Variants in CDH8 observed in about 807,000 individuals in gnomAD.
CDH8 encodes the protein cadherin 8, also known as cadherin-8.
In CDH8, 17 loss-of-function variants were observed where a neutral mutation model predicts 68.1. The observed-to-expected ratio is 0.25, with a 90% CI of 0.17 to 0.37. The LOEUF (loss-of-function observed/expected upper bound fraction) is 0.37, where lower values mean the gene tolerates loss of function less well. Among genes scored for constraint, CDH8 ranks in the 10% least tolerant of loss-of-function variants. The pLI, the probability that CDH8 is intolerant of heterozygous loss-of-function variation, is 1.00. For synonymous variants in CDH8, 372 were observed against 365.1 expected, an observed-to-expected ratio of 1.02 and a Z score of -0.21; for missense variants, 763 against 999.3, an observed-to-expected ratio of 0.76 and a Z score of 3.19.
At chr16:61,782,320 G>C (rs937290766) in intron 8 of CDH8, among the ~76,000 whole-genome samples, 2 of 152,214 alleles carry the variant, frequency 1.3e-5, no homozygotes, top group African/African-American at 4.8e-5. Context: ...GTCAAAGAAA[G>C]GGGTGACGGA....
At chr16:61,693,448 A>G (rs1402247331) in intron 10 of CDH8, 2 of 152,136 alleles carry the variant, frequency 1.3e-5, no homozygotes, top group East Asian at 1.9e-4. Flanking sequence ...CTGACTCTGT[A>G]TAAGAAAAGT....
chr16:61,965,071 T>A (rs1021228156), intron 2 of CDH8, among the ~76,000 whole-genome samples: 1 of 152,132 alleles, frequency 6.6e-6, no homozygotes, highest in Non-Finnish European at 1.5e-5. Context: ...TTCTCCCACA[T>A]CTGTTCATCC....
chr16:61,782,445 C>T (rs1319028939), intron 8 of CDH8, among the ~76,000 whole-genome samples: 7 of 151,996 alleles, frequency 4.6e-5, no homozygotes, highest in African/African-American at 1.4e-4. Context: ...CCTACGCCCA[C>T]GGAGTCTCGC....
chr16:61,704,217 G>A (rs1045499136), intron 10 of CDH8, among the ~76,000 whole-genome samples: 3 of 152,048 alleles, frequency 2.0e-5, no homozygotes, highest in Non-Finnish European at 4.4e-5. Context: ...TTCTCATTTT[G>A]AAAGATCTCT....
chr16:62,029,798 T>C (rs528131660), intron 1 of CDH8, among the ~76,000 whole-genome samples: 8 of 152,318 alleles, frequency 5.3e-5, no homozygotes, highest in African/African-American at 1.9e-4. Flanking sequence ...GATAGCTATA[T>C]ACTACTTAGA....
intron 2 of CDH8, among the ~76,000 whole-genome samples, chr16:62,016,723 G>A (rs193039662): frequency 1.5e-3 from 228 of 152,302 alleles, no homozygotes; most frequent in African/African-American, 5.2e-3. Flanking sequence ...CTGGAGGCAG[G>A]AATAGAGTCT....
At chr16:61,943,964 G>A (rs1467824494) in intron 2 of CDH8, among the ~76,000 whole-genome samples, 1 of 152,186 alleles carries the variant, frequency 6.6e-6, no homozygotes, top group African/African-American at 2.4e-5. Flanking sequence ...AAACTCTCAA[G>A]TAGACAGAAG....
At chr16:61,913,599 T>C (rs911200020) in intron 2 of CDH8, among the ~76,000 whole-genome samples, 6 of 152,142 alleles carry the variant, frequency 3.9e-5, no homozygotes, top group Admixed American at 6.5e-5. Context: ...CACTGAAAAG[T>C]GTGTGGTGTG....
intron 5 of CDH8, among the ~76,000 whole-genome samples, chr16:61,822,516 A>G (rs1962240630): frequency 6.6e-6 from 1 of 151,776 alleles, no homozygotes; most frequent in South Asian, 2.1e-4. Context: ...TGGATAAACT[A>G]AGGCTCATTA....
intron 8 of CDH8, among the ~76,000 whole-genome samples, chr16:61,731,161 G>C (rs1158347336): frequency 6.6e-6 from 1 of 151,588 alleles, no homozygotes; most frequent in Non-Finnish European, 1.5e-5. Context: ...AAAGGAATGT[G>C]ACCTTCAAGC....
At chr16:61,917,283 C>T (rs1447875194) in intron 2 of CDH8, among the ~76,000 whole-genome samples, 2 of 152,036 alleles carry the variant, frequency 1.3e-5, no homozygotes, top group Non-Finnish European at 2.9e-5. Flanking sequence ...TGGCCTTGAA[C>T]CAATTCAGTT....
At position 61,648,901 on chromosome 16, in the gene CDH8, A is replaced by C. The variant is rs2142727145; in HGVS notation, c.*4707T>G. ...AGCAACAGTATACCATGTAATCCATAAATTTGTGTTGACTAAAACTACAAT... is the reference window on the plus strand; with the variant it reads ...AGCAACAGTATACCATGTAATCCATCAATTTGTGTTGACTAAAACTACAAT... On this transcript the variant is annotated 3_prime_UTR_variant, in exon 12 of 12. Transcript: ENST00000577390. 6.6e-6 allele frequency: 1 copy of C among 152,088 alleles called. No homozygotes were observed. Among genetic ancestry groups the C allele is most frequent in the South Asian group, 2.1e-4 (1 of 4,832 alleles). 9.4% of individuals were successfully genotyped at this position (152,088 alleles called of 1,614,324 possible). A position where few individuals can be genotyped will look rare whatever the true frequency, so the allele number is the denominator to read the frequency against.
intron 5 of CDH8, among the ~76,000 whole-genome samples, chr16:61,822,714 G>T (rs1212834825): frequency 6.6e-6 from 1 of 151,806 alleles, no homozygotes; most frequent in Admixed American, 6.6e-5. Flanking sequence ...TCTCATAATT[G>T]GTGTAATGAT....
At chr16:61,986,313 G>T (rs1292512577) in intron 2 of CDH8, among the ~76,000 whole-genome samples, 1 of 152,130 alleles carries the variant, frequency 6.6e-6, no homozygotes, top group East Asian at 1.9e-4. Context: ...ATGCATAGTA[G>T]ACTCAAGGGT....
chr16:62,018,353 T>C (rs888205428), intron 2 of CDH8, among the ~76,000 whole-genome samples: 1 of 152,172 alleles, frequency 6.6e-6, no homozygotes, highest in African/African-American at 2.4e-5. Context: ...GGCGCCGCCA[T>C]GGTGACTCGC....
At chr16:61,729,572 C>A (rs1596907740) in intron 8 of CDH8, among the ~76,000 whole-genome samples, 1 of 151,076 alleles carries the variant, frequency 6.6e-6, no homozygotes, top group South Asian at 2.1e-4. Context: ...TGATTAACTT[C>A]TTTTTGTAAT....
At chr16:61,919,296 C>G (rs997011418) in intron 2 of CDH8, among the ~76,000 whole-genome samples, 1 of 148,392 alleles carries the variant, frequency 6.7e-6, no homozygotes, top group Non-Finnish European at 1.5e-5. Flanking sequence ...TCACCAGCAA[C>G]GGAACAAAGC....
intron 8 of CDH8, among the ~76,000 whole-genome samples, chr16:61,768,356 CTCTCTCTCTCTCCCTT>C (rs1960668020): frequency 2.7e-5 from 3 of 112,060 alleles, no homozygotes; most frequent in African/African-American, 3.6e-5. Flanking sequence ...CTCTCTCTCT[CTCTCTCTCTCTCCCTT>C]TCTCTCTCTC....
intron 2 of CDH8, among the ~76,000 whole-genome samples, chr16:61,958,838 C>T (rs1965029299): frequency 6.6e-6 from 1 of 152,164 alleles, no homozygotes; most frequent in Admixed American, 6.6e-5. Flanking sequence ...CTTCTCTACT[C>T]AAGAGTATGA....
Sources: allele counts gnomAD v4.1 joint callset (sites outside exome capture counted in the v4.1 genomes callset), GRCh38; gene constraint gnomAD v4.1.1; transcripts MANE v1.5; gene names NCBI Gene and HGNC (gene_info 2026-07-23, HGNC 2026-07-21).